GIPC2: variants seen among roughly 807,000 people sequenced by gnomAD.
The protein encoded by GIPC2 is PDZ domain-containing protein GIPC2.
Under a neutral mutation model 30.6 loss-of-function variants are expected in GIPC2, and 30 were observed. The ratio of observed to expected loss-of-function variants is 0.98; its 90% confidence interval spans 0.73 to 1.33. GIPC2 has a LOEUF of 1.33. GIPC2 is among the 40% of genes most tolerant of loss of function. The probability of loss-of-function intolerance (pLI) is 0.00; values close to 1 mark genes in which losing one functional copy is unlikely to be tolerated. For synonymous variants in GIPC2, 167 were observed against 150.0 expected (o/e 1.11, Z -0.83); for missense variants, 414 against 390.3 (o/e 1.06, Z -0.51).
intron 1 of GIPC2, among the ~76,000 whole-genome samples, chr1:78,061,613 G>C (rs1661394388): frequency 6.6e-6 from 1 of 151,406 alleles, no homozygotes; most frequent in African/African-American, 2.4e-5. Context: ...TGATTCTCCT[G>C]TTTCAGCCTC....
At chr1:78,134,342 GTA>G (rs889232301) in intron 5 of GIPC2, among the ~76,000 whole-genome samples, 105 of 138,522 alleles carry the variant, frequency 7.6e-4, no homozygotes, top group African/African-American at 1.9e-3. Flanking sequence ...ATGTGTGTAT[GTA>G]TGTGTGTGTG....
chr1:78,076,353 A>G (rs533551255), intron 1 of GIPC2, among the ~76,000 whole-genome samples: 1 of 152,320 alleles, frequency 6.6e-6, no homozygotes, highest in South Asian at 2.1e-4. Context: ...TGTCTTCCAT[A>G]TAGATGAGGC....
At chr1:78,067,098 T>C (rs1274972352) in intron 1 of GIPC2, among the ~76,000 whole-genome samples, 1 of 152,208 alleles carries the variant, frequency 6.6e-6, no homozygotes, top group Non-Finnish European at 1.5e-5. Context: ...TTTTGTAATA[T>C]CTTGAAGTGT....
chr1:78,071,155 T>G (rs1013550719), intron 1 of GIPC2, among the ~76,000 whole-genome samples: 1 of 152,190 alleles, frequency 6.6e-6, no homozygotes, highest in African/African-American at 2.4e-5. Flanking sequence ...TTAAAACTAA[T>G]CCTAGAAATT....
intron 1 of GIPC2, among the ~76,000 whole-genome samples, chr1:78,071,377 A>C (rs1249674716): frequency 6.6e-6 from 1 of 152,006 alleles, no homozygotes; most frequent in Non-Finnish European, 1.5e-5. Context: ...TATTATGCAA[A>C]CTGTCTTACT....
rs1333289869 is a variant in GIPC2, at chr1:78,046,140, A to G, written c.46A>G (p.Thr16Ala). The change falls in exon 1 of 6, where the codon ACC (threonine) becomes GCC (alanine). Residue 16 changes from threonine (T) to alanine (A), a missense_variant. By Grantham distance (58) the Thr-to-Ala change is moderately conservative (BLOSUM62 0). Transcript: ENST00000370759. ...RGKKKAKSKE[T>A]AGLVEGEPTG... Reference sequence around the variant, plus strand: ...GAAGAAGAAGGCCAAGTCCAAGGAGACCGCCGGGCTGGTGGAGGGCGAGCC... The same window carrying G: ...GAAGAAGAAGGCCAAGTCCAAGGAGGCCGCCGGGCTGGTGGAGGGCGAGCC... 51 of 1,530,402 alleles carry G rather than the reference A, an allele frequency of 3.3e-5. No homozygotes were observed. Among genetic ancestry groups the G allele is most frequent in the Non-Finnish European group, 4.4e-5 (50 of 1,141,764 alleles). The allele number at this position is 1,530,402 out of a possible 1,614,324, so 94.8% of individuals were successfully genotyped here.
chr1:78,124,651 G>A (rs1001461615), intron 4 of GIPC2, among the ~76,000 whole-genome samples: 3 of 152,102 alleles, frequency 2.0e-5, no homozygotes, highest in Non-Finnish European at 4.4e-5. Flanking sequence ...CTTAGACTTT[G>A]CCTATCTATT....
At chr1:78,063,122 C>G (rs2102642729) in intron 1 of GIPC2, among the ~76,000 whole-genome samples, 1 of 152,220 alleles carries the variant, frequency 6.6e-6, no homozygotes, top group East Asian at 1.9e-4. Flanking sequence ...TGTTTTCTAC[C>G]TATACGCATA....
intron 1 of GIPC2, among the ~76,000 whole-genome samples, chr1:78,063,655 C>T (rs530446495): frequency 2.0e-4 from 31 of 152,058 alleles, no homozygotes; most frequent in Admixed American, 3.9e-4. Context: ...GAGGCTGAGG[C>T]GGGCAGATCA....
intron 1 of GIPC2, among the ~76,000 whole-genome samples, chr1:78,052,599 C>A (rs1460215908): frequency 6.6e-6 from 1 of 152,088 alleles, no homozygotes; most frequent in Non-Finnish European, 1.5e-5. Context: ...GAACATCACT[C>A]ATATCTTTAA....
At position 78,053,673 on chromosome 1, in the gene GIPC2, G is replaced by C. The variant is rs902373055; in HGVS notation, c.240+7339G>C. Among the ~76,000 whole-genome samples, 3 of 146,426 alleles carry C rather than the reference G, an allele frequency of 2.0e-5. No homozygotes were observed. In the East Asian group the frequency reaches 6.1e-4, roughly 30 times the overall value. ...TCTAATCTTAGCACTTTGGAAGGCT[G>C]AGAAGGGAGAATCCTTGAAGCCAGG... is the stretch of plus-strand genomic sequence containing the variant. On this transcript the variant is annotated intron_variant, in intron 1 of 5. Transcript: ENST00000370759.
At chr1:78,133,325 G>T (rs768974077) in intron 5 of GIPC2, among the ~76,000 whole-genome samples, 1 of 152,192 alleles carries the variant, frequency 6.6e-6, no homozygotes, top group Non-Finnish European at 1.5e-5. Flanking sequence ...CCTTTTTATT[G>T]AAAGTGTTTC....
chr1:78,094,679 G>GT, intron 2 of GIPC2: 1 of 230,210 alleles, frequency 4.3e-6, no homozygotes, highest in Non-Finnish European at 8.5e-6. Context: ...AATGGTTGGA[G>GT]GTAAGATAGT....
chr1:78,131,210 T>C (rs1662889167), intron 5 of GIPC2, among the ~76,000 whole-genome samples: 1 of 152,132 alleles, frequency 6.6e-6, no homozygotes, highest in African/African-American at 2.4e-5. Flanking sequence ...TTTTTTCTTT[T>C]TTCTTTTTCT....
At chr1:78,061,648 G>C (rs1165644257) in intron 1 of GIPC2, among the ~76,000 whole-genome samples, 1 of 84,940 alleles carries the variant, frequency 1.2e-5, no homozygotes, top group East Asian at 1.9e-4. Context: ...CTACAGGCGT[G>C]AGCCACCAAG....
intron 1 of GIPC2, among the ~76,000 whole-genome samples, chr1:78,075,166 A>G (rs753489433): frequency 6.2e-4 from 94 of 152,348 alleles, no homozygotes; most frequent in Non-Finnish European, 9.3e-4. Flanking sequence ...ATTATTTTAC[A>G]TAAAAGAGAG....
chr1:78,046,559 G>C (rs1442316152), intron 1 of GIPC2, among the ~76,000 whole-genome samples: 1 of 152,200 alleles, frequency 6.6e-6, no homozygotes, highest in Non-Finnish European at 1.5e-5. Flanking sequence ...CTTGCTCCGA[G>C]ATCTGGCCTT....
At chr1:78,105,389 C>A (rs900687113) in intron 3 of GIPC2, among the ~76,000 whole-genome samples, 3 of 151,714 alleles carry the variant, frequency 2.0e-5, no homozygotes, top group East Asian at 1.9e-4. Flanking sequence ...TGGGTTCAAG[C>A]CATTCTCCTG....
At chr1:78,071,545 CTTCTTCTTCTTCTTTT>C (rs1437320428) in intron 1 of GIPC2, among the ~76,000 whole-genome samples, 7 of 150,214 alleles carry the variant, frequency 4.7e-5, no homozygotes, top group Non-Finnish European at 8.9e-5. Context: ...CTTCCTTCTC[CTTCTTCTTCTTCTTTT>C]TTCTTCTTCT....
Sources: allele counts gnomAD v4.1 joint callset (sites outside exome capture counted in the v4.1 genomes callset), GRCh38; gene constraint gnomAD v4.1.1; transcripts MANE v1.5; gene names NCBI Gene and HGNC (gene_info 2026-07-23, HGNC 2026-07-21).